Variants in TRIM2 observed in about 807,000 individuals in gnomAD.
The protein encoded by TRIM2 is tripartite motif containing 2.
A neutral mutation model predicts 75.2 loss-of-function variants in TRIM2; 20 were observed. That is an observed-to-expected ratio of 0.27 (90% CI 0.19 to 0.39). The LOEUF (loss-of-function observed/expected upper bound fraction) is 0.39, where lower values mean the gene tolerates loss of function less well. TRIM2 is among the 10% of genes least tolerant of loss of function. The pLI is 1.00. For missense variants in TRIM2, 660 were observed against 990.8 expected (o/e 0.67, Z 4.48); for synonymous variants, 373 against 388.3 (o/e 0.96, Z 0.46).
At chr4:153,273,268 C>CTGT (rs1757181547) in intron 2 of TRIM2, among the ~76,000 whole-genome samples, 1 of 94,510 alleles carries the variant, frequency 1.1e-5, no homozygotes, top group African/African-American at 4.3e-5. Context: ...CTTACAGTCA[C>CTGT]TCTTTTTTTT....
At chr4:153,188,600 T>A (rs1732860555) in intron 1 of TRIM2, among the ~76,000 whole-genome samples, 1 of 152,182 alleles carries the variant, frequency 6.6e-6, no homozygotes, top group African/African-American at 2.4e-5. Context: ...TTCACTCCTC[T>A]CTTTTGCAGT....
chr4:153,242,211 C>A (rs1353920951), intron 1 of TRIM2, among the ~76,000 whole-genome samples: 1 of 152,184 alleles, frequency 6.6e-6, no homozygotes, highest in Non-Finnish European at 1.5e-5. Flanking sequence ...TCCGCTCTTA[C>A]ATGTTTATTT....
intron 1 of TRIM2, among the ~76,000 whole-genome samples, chr4:153,196,819 C>T (rs149479741): frequency 2.2e-4 from 33 of 152,302 alleles, no homozygotes; most frequent in East Asian, 1.5e-3. Context: ...TCCCAACAAA[C>T]GGAAAACCTC....
chr4:153,273,270 C>CATTTTTTTTTTTTTTTTTTTTTTTTTT (rs1757187818), intron 2 of TRIM2, among the ~76,000 whole-genome samples: 1 of 57,390 alleles, frequency 1.7e-5, no homozygotes, highest in African/African-American at 7.0e-5. Context: ...TACAGTCACT[C>CATTTTTTTTTTTTTTTTTTTTTTTTTT]TTTTTTTTTT....
chr4:153,337,061 C>G lies in TRIM2; in HGVS notation c.*2095C>G. ...AAAACAGGTAAAAAATCGCTGCCCC[C>G]TCAGAGCTGACATTCTGGGGTGGGA... On this transcript the variant is annotated 3_prime_UTR_variant, in exon 12 of 12. Transcript: ENST00000338700. 1.0e-6 allele frequency: 1 copy of G among 985,316 alleles called. No individual in the cohort carries two copies. The highest frequency in any genetic ancestry group is 4.7e-5 in the South Asian group (1 of 21,284). The allele number at this position is 985,316 out of a possible 1,614,324, so 61.0% of individuals were successfully genotyped here.
intron 3 of TRIM2, among the ~76,000 whole-genome samples, chr4:153,292,232 G>C (rs955589144): frequency 5.9e-5 from 9 of 152,156 alleles, no homozygotes; most frequent in African/African-American, 1.7e-4. Flanking sequence ...TGCAGAAGTG[G>C]ATACAAGTCT....
Position 153,339,081 on chromosome 4 carries a change from C to T in TRIM2, c.*4115C>T, listed in dbSNP as rs1182804404. 8 of 985,500 alleles carry T rather than the reference C, an allele frequency of 8.1e-6. No homozygotes were observed. Among genetic ancestry groups the T allele is most frequent in the Non-Finnish European group, 9.6e-6 (8 of 829,872 alleles). The allele number at this position is 985,500 out of a possible 1,614,324, so 61.0% of individuals were successfully genotyped here. On this transcript the variant is annotated 3_prime_UTR_variant, in exon 12 of 12. Transcript: ENST00000338700. ...GACATTGATACTGATATATTCTCGTCATTTGTTCTTTTATGAATCAAAATG... is the reference window on the plus strand; with the variant it reads ...GACATTGATACTGATATATTCTCGTTATTTGTTCTTTTATGAATCAAAATG...
intron 1 of TRIM2, among the ~76,000 whole-genome samples, chr4:153,154,692 T>A (rs1351952502): frequency 7.9e-5 from 12 of 152,170 alleles, no homozygotes; most frequent in Admixed American, 7.9e-4. Flanking sequence ...TAGCTTAGAA[T>A]TTGCCTAAAA....
rs374278756 is a variant in TRIM2 at position 153,295,874 on chromosome 4, C to T, written c.1348C>T (p.Arg450Ter). The change falls in exon 6 of 12, where the codon CGA becomes TGA. Residue 450 changes from arginine to a stop codon, truncating the protein, a stop_gained. Coordinates refer to ENST00000338700, the MANE Select transcript of TRIM2 (RefSeq NM_015271.5). LOFTEE classifies it high-confidence loss of function. The surrounding 1 kb of genome is among the most constrained non-coding windows in gnomAD (Gnocchi z 7.2). ...RGSPFKLKVIRSADVSPTTEG... is the reference protein window; with the variant it reads ...RGSPFKLKVI ...CAGCCCGTTTAAGCTGAAAGTGATC[C>T]GATCCGCTGATGTGTCTCCCACCAC... The T allele has an allele frequency of 6.2e-7, 1 of 1,613,756 alleles. No homozygotes were observed. Among genetic ancestry groups the T allele is most frequent in the African/African-American group, 1.3e-5 (1 of 74,890 alleles).
chr4:153,312,012 C>A (rs986555796), intron 6 of TRIM2, among the ~76,000 whole-genome samples: 1 of 151,182 alleles, frequency 6.6e-6, no homozygotes, highest in African/African-American at 2.4e-5. Flanking sequence ...GCGCTGCACC[C>A]ACTAACTCGT....
At chr4:153,222,004 A>AGC (rs1740527812) in intron 1 of TRIM2, among the ~76,000 whole-genome samples, 99 of 54,850 alleles carry the variant, frequency 1.8e-3, no homozygotes, top group African/African-American at 5.1e-3. Flanking sequence ...GGAAGGAAGG[A>AGC]AAGAAGGAAG....
chr4:153,233,369 G>T lies in TRIM2; in HGVS notation c.30+28809G>T, dbSNP rs527496459. 2.0e-5 allele frequency among the ~76,000 whole-genome samples: 3 copies of T among 152,198 alleles called. No individual in the cohort carries two copies. The South Asian group carries it at 6.2e-4, about 32-fold the overall frequency. The stretch of plus-strand genomic sequence containing the variant: ...CAGGATTTAGAAAATGGTGTGGGGG[G>T]TTTTTATTGGAAAGTTGTGGGGTTT... On this transcript the variant is annotated intron_variant, in intron 1 of 11. Coordinates refer to ENST00000338700, the MANE Select transcript of TRIM2 (RefSeq NM_015271.5).
intron 3 of TRIM2, among the ~76,000 whole-genome samples, chr4:153,290,241 C>T (rs57094149): frequency 0.01 from 1,571 of 152,268 alleles, 32 homozygotes; most frequent in African/African-American, 0.036. Flanking sequence ...AAACAGGAAA[C>T]TTCTTGGATT....
chr4:153,239,570 GTC>G (rs1560863854), intron 1 of TRIM2, among the ~76,000 whole-genome samples: 1 of 152,140 alleles, frequency 6.6e-6, no homozygotes, highest in Non-Finnish European at 1.5e-5. Context: ...AGTGCCTTGT[GTC>G]TAGTAAGCAG....
intron 2 of TRIM2, among the ~76,000 whole-genome samples, chr4:153,270,997 G>C (rs1487403257): frequency 6.6e-6 from 1 of 152,144 alleles, no homozygotes; most frequent in Admixed American, 6.5e-5. Context: ...TGAATGCTAT[G>C]ATGTTTTAGA....
chr4:153,321,001 C>T (rs1768846376), intron 8 of TRIM2, among the ~76,000 whole-genome samples: 3 of 152,228 alleles, frequency 2.0e-5, no homozygotes, highest in South Asian at 2.1e-4. Flanking sequence ...CCAGGGAGAA[C>T]TGTGGTTCTT....
intron 1 of TRIM2, among the ~76,000 whole-genome samples, chr4:153,206,941 C>T (rs11729959): frequency 0.34 from 52,109 of 151,622 alleles, 10,243 homozygotes; most frequent in East Asian, 0.7. Flanking sequence ...AGTGCAGTGG[C>T]ATGATCATGG....
intron 2 of TRIM2, among the ~76,000 whole-genome samples, chr4:153,271,775 T>G (rs1426820735): frequency 6.6e-6 from 1 of 152,190 alleles, no homozygotes; most frequent in South Asian, 2.1e-4. Flanking sequence ...CATGTGTCCC[T>G]GGGCACACAT....
intron 1 of TRIM2, among the ~76,000 whole-genome samples, chr4:153,163,186 C>T (rs904270433): frequency 6.6e-6 from 1 of 152,088 alleles, no homozygotes; most frequent in Non-Finnish European, 1.5e-5. Flanking sequence ...TCTAGATTTA[C>T]ATCATTTTTT....
Sources: gnomAD v4.1 joint callset for allele counts (sites outside exome capture counted in the v4.1 genomes callset) on GRCh38, gnomAD v4.1.1 for gene constraint, Gnocchi (gnomAD v3.1) non-coding constraint, MANE v1.5 for transcripts, NCBI Gene and HGNC (gene_info 2026-07-23, HGNC 2026-07-21) for gene names.